Variants in CAMSAP1 observed in about 807,000 individuals in gnomAD.
CAMSAP1 encodes the protein calmodulin regulated spectrin associated protein 1, also known as calmodulin-regulated spectrin-associated protein 1.
Under a neutral mutation model 143.5 loss-of-function variants are expected in CAMSAP1, and 58 were observed. That is an observed-to-expected ratio of 0.40 (90% CI 0.33 to 0.50). The LOEUF (loss-of-function observed/expected upper bound fraction) is 0.50. Ranked by LOEUF, CAMSAP1 falls within the 20% of genes least tolerant of loss-of-function variation. CAMSAP1 has a pLI of 0.45. For missense variants in CAMSAP1, 1,969 were observed against 2,115.7 expected (o/e 0.93, Z 1.36); for synonymous variants, 945 against 859.3 (o/e 1.10, Z -1.74).
intron 7 of CAMSAP1, among the ~76,000 whole-genome samples, chr9:135,843,873 C>CAAAAAAAAA (rs150201026): frequency 1.6e-5 from 1 of 63,956 alleles, no homozygotes; most frequent in African/African-American, 5.9e-5. Context: ...GACTCCGTCT[C>CAAAAAAAAA]AAAAAAAAAA....
At chr9:135,864,830 C>T (rs997891466) in intron 4 of CAMSAP1, among the ~76,000 whole-genome samples, 1 of 152,150 alleles carries the variant, frequency 6.6e-6, no homozygotes, top group African/African-American at 2.4e-5. Context: ...GCTGCAACAC[C>T]CGAGGAGGAG....
intron 4 of CAMSAP1, among the ~76,000 whole-genome samples, chr9:135,864,339 C>G (rs1423708434): frequency 6.6e-6 from 1 of 152,150 alleles, no homozygotes; most frequent in East Asian, 1.9e-4. Context: ...GAATGCTTTC[C>G]TCTTTCTTCT....
chr9:135,857,619 T>C (rs1837024919), intron 5 of CAMSAP1, among the ~76,000 whole-genome samples: 2 of 152,328 alleles, frequency 1.3e-5, no homozygotes, highest in South Asian at 4.1e-4. Context: ...TTGATTTGGG[T>C]TCTCATTCAG....
At chr9:135,906,559 T>C (rs185633734) in intron 1 of CAMSAP1, among the ~76,000 whole-genome samples, 2 of 152,240 alleles carry the variant, frequency 1.3e-5, no homozygotes, top group African/African-American at 4.8e-5. Context: ...GCTGACAGCT[T>C]GTAAGCATCA....
intron 5 of CAMSAP1, among the ~76,000 whole-genome samples, chr9:135,861,324 T>TCC (rs1303448797): frequency 2.3e-5 from 3 of 129,968 alleles, no homozygotes; most frequent in African/African-American, 1.0e-4. Flanking sequence ...TTTTTTTTTT[T>TCC]CCCCCCGAGA....
chr9:135,892,188 CAAAG>C (rs1483601888), intron 1 of CAMSAP1, among the ~76,000 whole-genome samples: 1 of 152,132 alleles, frequency 6.6e-6, no homozygotes, highest in Middle Eastern at 3.2e-3. Flanking sequence ...AGAATAAACT[CAAAG>C]AAAACCGTGT....
Position 135,825,000 on chromosome 9 carries a change from GT to G in CAMSAP1, c.1224-121del, listed in dbSNP as rs1835622631. ...CACCAAGTTTTGAGAAACTCGGACT[GT>G]TTGGGAAAAAAATGACAATAAAAAT... On this transcript the variant is annotated intron_variant, in intron 8 of 16. Transcript: ENST00000389532. This position sits in a 1 kb window ranked among gnomAD's most constrained non-coding sequence, Gnocchi z 4.1. 1.3e-6 allele frequency: 1 copy of G among 777,902 alleles called. No homozygotes were observed. The highest frequency in any genetic ancestry group is 2.9e-5 in the East Asian group (1 of 34,766). The allele number at this position is 777,902 out of a possible 1,614,324, so 48.2% of individuals were successfully genotyped here.
intron 4 of CAMSAP1, chr9:135,865,305 G>T (rs776094950): frequency 6.5e-7 from 1 of 1,550,106 alleles, no homozygotes; most frequent in South Asian, 1.2e-5. Flanking sequence ...TCTGTAGATG[G>T]CAGCTGGCGG....
At chr9:135,901,145 G>A (rs886944506) in intron 1 of CAMSAP1, among the ~76,000 whole-genome samples, 2 of 152,162 alleles carry the variant, frequency 1.3e-5, no homozygotes, top group Non-Finnish European at 2.9e-5. Flanking sequence ...GGGCACCATC[G>A]TTCCTGTGTC....
chr9:135,849,572 G>A (rs1251529738), intron 7 of CAMSAP1, among the ~76,000 whole-genome samples: 1 of 151,994 alleles, frequency 6.6e-6, no homozygotes, highest in Non-Finnish European at 1.5e-5. Context: ...ATATATTCTG[G>A]ATACTAGTTA....
At chr9:135,843,219 C>T (rs972959803) in intron 7 of CAMSAP1, among the ~76,000 whole-genome samples, 3 of 151,956 alleles carry the variant, frequency 2.0e-5, no homozygotes, top group African/African-American at 7.3e-5. Context: ...CCCAGCTACT[C>T]GGGAGGCTGA....
chr9:135,843,650 TCA>T (rs1836443921), intron 7 of CAMSAP1, among the ~76,000 whole-genome samples: 2 of 151,838 alleles, frequency 1.3e-5, no homozygotes, highest in South Asian at 4.2e-4. Flanking sequence ...GACAGGTGGA[TCA>T]CGAGGTCAGG....
intron 4 of CAMSAP1, among the ~76,000 whole-genome samples, chr9:135,864,792 C>T (rs1004765067): frequency 4.6e-5 from 7 of 152,208 alleles, no homozygotes; most frequent in Non-Finnish European, 8.8e-5. Context: ...CCCTTCCCCA[C>T]TCCATGCAGG....
intron 1 of CAMSAP1, among the ~76,000 whole-genome samples, chr9:135,902,451 AAT>A (rs1838645369): frequency 6.6e-6 from 1 of 152,156 alleles, no homozygotes; most frequent in Admixed American, 6.5e-5. Flanking sequence ...AAAGAGTCTC[AAT>A]TTTTACACAG....
intron 1 of CAMSAP1, among the ~76,000 whole-genome samples, chr9:135,884,163 G>A: frequency 6.6e-6 from 1 of 152,146 alleles, no homozygotes; most frequent in African/African-American, 2.4e-5. Context: ...CACCTCCACA[G>A]AGTTTAGAAA....
chr9:135,853,886 C>T (rs1836863922), intron 5 of CAMSAP1, among the ~76,000 whole-genome samples: 1 of 152,258 alleles, frequency 6.6e-6, no homozygotes, highest in Admixed American at 6.5e-5. Context: ...AGGCCCAGAG[C>T]CACGATCAGA....
Position 135,907,073 on chromosome 9 carries a change from C to T in CAMSAP1, c.87G>A (p.Leu29=), listed in dbSNP as rs571363262. Residue 29 remains leucine, a synonymous_variant, in exon 1 of 17, where the codon CTG becomes CTA. Transcript: ENST00000389532. ...TGGCGCGCGCCGCGTCGTAGCGGTCCAGGGGCACGAGGTCGGCGGCGCCGT... is the reference window on the plus strand; with the variant it reads ...TGGCGCGCGCCGCGTCGTAGCGGTCTAGGGGCACGAGGTCGGCGGCGCCGT... ...PPDGAADLVP[L]DRYDAARAKI... The T allele has an allele frequency of 2.1e-4, 247 of 1,177,510 alleles. 4 individuals are homozygous for T. In the South Asian group the frequency reaches 6.0e-3, roughly 29 times the overall value. 72.9% of individuals were successfully genotyped at this position (1,177,510 alleles called of 1,614,324 possible). A position where few individuals can be genotyped will look rare whatever the true frequency, so the allele number is the denominator to read the frequency against.
intron 1 of CAMSAP1, among the ~76,000 whole-genome samples, chr9:135,893,770 C>T (rs959297416): frequency 1.3e-5 from 2 of 152,172 alleles, no homozygotes; most frequent in East Asian, 1.9e-4. Flanking sequence ...GTAATACTGA[C>T]GAAATCCAAA....
intron 14 of CAMSAP1, 163 bp downstream of exon 14, chr9:135,817,814 C>T: frequency 1.6e-6 from 1 of 635,366 alleles, no homozygotes; most frequent in East Asian, 2.8e-5. Flanking sequence ...GTGTGAAGGG[C>T]ACTGGTATTC....
Sources: gnomAD v4.1 joint callset for allele counts (sites outside exome capture counted in the v4.1 genomes callset) on GRCh38, gnomAD v4.1.1 for gene constraint, Gnocchi (gnomAD v3.1) non-coding constraint, MANE v1.5 for transcripts, NCBI Gene and HGNC (gene_info 2026-07-23, HGNC 2026-07-21) for gene names.